The following DHRS2 variants were observed in gnomAD, a reference collection of about 807,000 sequenced individuals.
DHRS2 encodes the protein dehydrogenase/reductase SDR family member 2, mitochondrial.
A neutral mutation model predicts 26.3 loss-of-function variants in DHRS2; 29 were observed. That is an observed-to-expected ratio of 1.10 (90% CI 0.82 to 1.50). The LOEUF is 1.50. Ranked by LOEUF, DHRS2 falls within the 40% of genes most tolerant of loss-of-function variation. The pLI, the probability that DHRS2 is intolerant of heterozygous loss-of-function variation, is 0.00. For synonymous variants in DHRS2, 164 were observed against 151.3 expected, an observed-to-expected ratio of 1.08 and a Z score of -0.62; for missense variants, 439 against 367.1, an observed-to-expected ratio of 1.20 and a Z score of -1.60.
chr14:23,639,680 AT>A, intron 3 of DHRS2, 113 bp from the exon 4 acceptor site: 2 of 1,206,546 alleles, frequency 1.7e-6, no homozygotes, highest in Non-Finnish European at 1.1e-6. Flanking sequence ...CACCTAGGTC[AT>A]TTTCCTTTAG....
intron 4 of DHRS2, chr14:23,641,650 A>C: frequency 7.8e-7 from 1 of 1,289,678 alleles, no homozygotes; most frequent in Non-Finnish European, 1.0e-6. Flanking sequence ...CCTAATCCTC[A>C]ATTCCTTCTT....
intron 1 of DHRS2, among the ~76,000 whole-genome samples, chr14:23,637,242 G>A (rs950097277): frequency 3.3e-5 from 5 of 152,086 alleles, no homozygotes; most frequent in African/African-American, 1.2e-4. Flanking sequence ...CCTGTCTCTG[G>A]TGCTTTTCTA....
intron 1 of DHRS2, among the ~76,000 whole-genome samples, chr14:23,637,077 C>T (rs1263534128): frequency 6.6e-6 from 1 of 152,198 alleles, no homozygotes; most frequent in African/African-American, 2.4e-5. Context: ...GACCCTGCGG[C>T]CATGAGCGGA....
At chr14:23,636,190 G>T (rs1396951005), upstream of DHRS2, 1 of 152,114 alleles carries the variant, frequency 6.6e-6, no homozygotes, top group Non-Finnish European at 1.5e-5. Context: ...CTAGCTAAAG[G>T]TTTGTAAATG....
At chr14:23,637,529 C>G (rs1169080056) in intron 1 of DHRS2, among the ~76,000 whole-genome samples, 1 of 152,096 alleles carries the variant, frequency 6.6e-6, no homozygotes, top group Admixed American at 6.5e-5. Flanking sequence ...CCTTCCCTCC[C>G]TCAGGTTACT....
intron 5 of DHRS2, chr14:23,643,819 A>G (rs897844865): frequency 8.7e-6 from 4 of 461,104 alleles, no homozygotes; most frequent in African/African-American, 4.0e-5. Context: ...GTGCCTCTTC[A>G]CAAAGCCCAC....
intron 1 of DHRS2, 55 bp downstream of exon 1, chr14:23,636,827 T>G (rs968714007): frequency 6.6e-6 from 1 of 152,212 alleles, no homozygotes; most frequent in African/African-American, 2.4e-5. Flanking sequence ...TTCCTTAGAA[T>G]TCGGTGGCTA....
rs1285538912 is a variant in DHRS2, at chr14:23,643,187, G to GCC, written c.457_458insCC (p.Leu153ProfsTer2). Reference sequence around the variant, plus strand: ...TGAACGTGAAGTCCCCAGCCCTGCTGCTGAGCCAGTTGCTGCCCTACATGG... The same window carrying GCC: ...TGAACGTGAAGTCCCCAGCCCTGCTGCCCTGAGCCAGTTGCTGCCCTACATGG... On this transcript the variant is annotated frameshift_variant, in exon 5 of 9. Coordinates refer to ENST00000250383, the MANE Select transcript of DHRS2 (RefSeq NM_005794.4). LOFTEE classifies it high-confidence loss of function. The GCC allele has an allele frequency of 6.2e-7, 1 of 1,614,088 alleles. No homozygotes were observed. Among genetic ancestry groups the GCC allele is most frequent in the Non-Finnish European group, 8.5e-7 (1 of 1,180,010 alleles).
At chr14:23,642,941 GC>G (rs1890726779) in intron 4 of DHRS2, 1 of 538,564 alleles carries the variant, frequency 1.9e-6, no homozygotes, top group Non-Finnish European at 3.4e-6. Context: ...TCAGGGCTCT[GC>G]TCACAGGCCT....
At chr14:23,631,737 T>G (rs540764796), upstream of DHRS2, among the ~76,000 whole-genome samples, 4 of 152,276 alleles carry the variant, frequency 2.6e-5, no homozygotes, top group African/African-American at 9.6e-5. Context: ...GGGACCATTC[T>G]AAGCTCCCAG....
At chr14:23,632,269 G>A (rs1890143548), upstream of DHRS2, among the ~76,000 whole-genome samples, 1 of 152,202 alleles carries the variant, frequency 6.6e-6, no homozygotes, top group Non-Finnish European at 1.5e-5. Flanking sequence ...GCATAACAAT[G>A]TTCAGAATCT....
Position 23,638,765 on chromosome 14 carries a change from G to A in DHRS2, c.-38-62G>A, listed in dbSNP as rs148482742. On this transcript the variant is annotated intron_variant, in intron 1 of 8. Coordinates refer to ENST00000250383, the MANE Select transcript of DHRS2 (RefSeq NM_005794.4). ...CTTGTCTGTCTGGAGGAAGGAGGAG[G>A]GTAGATTACCTTCATGCTCACTGAG... The A allele has an allele frequency of 6.5e-4, 974 of 1,499,890 alleles. 4 individuals are homozygous for A. The African/African-American group carries it at 0.012, about 19-fold the overall frequency. 92.9% of individuals were successfully genotyped at this position (1,499,890 alleles called of 1,614,324 possible).
chr14:23,641,609 T>C, intron 4 of DHRS2: 1 of 1,289,104 alleles, frequency 7.8e-7, no homozygotes, highest in East Asian at 5.6e-5. Context: ...CTGGTTGGGG[T>C]CTGTTTTGAC....
At position 23,638,930 on chromosome 14, in the gene DHRS2, G is replaced by C; in HGVS notation, c.66G>C (p.Arg22Ser). The C allele has an allele frequency of 6.2e-7, 1 of 1,614,196 alleles. No homozygotes were observed. Among genetic ancestry groups the C allele is most frequent in the Non-Finnish European group, 8.5e-7 (1 of 1,180,028 alleles). ...ATCCCTGTGCTAGGCTTTCTGTGAGGATGAGCAGCACCGGGATAGACAGGA... is the reference window on the plus strand; with the variant it reads ...ATCCCTGTGCTAGGCTTTCTGTGAGCATGAGCAGCACCGGGATAGACAGGA... Reference protein sequence around the residue: ...WFHPCARLSVRMSSTGIDRKG... With the variant: ...WFHPCARLSVSMSSTGIDRKG... The change falls in exon 2 of 9, where the codon AGG becomes AGC. Residue 22 changes from arginine (R) to serine (S), a missense_variant. By Grantham distance (110) the Arg-to-Ser change is moderately radical. Transcript: ENST00000250383.
At chr14:23,639,062 A>G in intron 2 of DHRS2, 58 bp downstream of exon 2, 1 of 1,599,120 alleles carries the variant, frequency 6.3e-7, no homozygotes, top group Non-Finnish European at 8.5e-7. Context: ...TGGCTTCCAC[A>G]AGGACTCAGG....
At chr14:23,637,141 T>TAG (rs1890347243) in intron 1 of DHRS2, among the ~76,000 whole-genome samples, 1 of 152,126 alleles carries the variant, frequency 6.6e-6, no homozygotes, top group African/African-American at 2.4e-5. Flanking sequence ...CTATCTATCC[T>TAG]GACCCTTGCT....
At chr14:23,640,075 G>C (rs1890575686) in intron 4 of DHRS2, 180 bp downstream of exon 4, 1 of 697,598 alleles carries the variant, frequency 1.4e-6, no homozygotes, top group Admixed American at 4.4e-5. Flanking sequence ...CTACTTTCTG[G>C]CTTGTTGGTT....
intron 4 of DHRS2, 152 bp downstream of exon 4, chr14:23,640,047 C>A: frequency 1.4e-6 from 1 of 738,448 alleles, no homozygotes; most frequent in African/African-American, 1.8e-5. Context: ...CAGCTGTCTC[C>A]CAAAATGTGC....
upstream of DHRS2, among the ~76,000 whole-genome samples, chr14:23,635,169 C>T (rs1450536484): frequency 2.0e-5 from 3 of 151,926 alleles, no homozygotes; most frequent in Non-Finnish European, 2.9e-5. Context: ...CTCAAGCAAT[C>T]GTCCCATCTT....
Sources: gnomAD v4.1 joint callset for allele counts (sites outside exome capture counted in the v4.1 genomes callset) on GRCh38, gnomAD v4.1.1 for gene constraint, MANE v1.5 for transcripts, NCBI Gene and HGNC (gene_info 2026-07-23, HGNC 2026-07-21) for gene names.